MYZAP: variants seen among roughly 807,000 people sequenced by gnomAD.
MYZAP encodes the protein myocardial zonula adherens protein, also known as GRINL1A complex locus upstream.
MYZAP carries 66 observed loss-of-function variants against 69.4 expected under a neutral mutation model. That is an observed-to-expected ratio of 0.95 (90% CI 0.78 to 1.17). The LOEUF is 1.17. Among genes scored for constraint, MYZAP ranks in the 50% most tolerant of loss-of-function variants. The probability of loss-of-function intolerance (pLI) is 0.00; values close to 1 mark genes in which losing one functional copy is unlikely to be tolerated. For missense variants in MYZAP, 611 were observed against 556.2 expected (o/e 1.10, Z -0.99); for synonymous variants, 256 against 205.9 (o/e 1.24, Z -2.09).
chr15:57,630,217 C>T (rs1417937849), intron 6 of MYZAP, among the ~76,000 whole-genome samples: 2 of 152,232 alleles, frequency 1.3e-5, no homozygotes, highest in Non-Finnish European at 2.9e-5. Flanking sequence ...ATCCGCCTGC[C>T]TTGGCCTCCC....
chr15:57,675,159 T>C, intron 12 of MYZAP, 91 bp downstream of exon 12: 1 of 1,152,186 alleles, frequency 8.7e-7, no homozygotes, highest in South Asian at 1.5e-5. Flanking sequence ...CAGAATTGCA[T>C]TCTTCCTATC....
Position 57,603,582 on chromosome 15 carries a change from G to A in MYZAP, c.76-687G>A, listed in dbSNP as rs190743456. Among the ~76,000 whole-genome samples the A allele has an allele frequency of 9.7e-4, 148 of 152,248 alleles. 1 individual carries two copies. The highest frequency in any genetic ancestry group is 7.8e-3 in the Admixed American group (120 of 15,298). On this transcript the variant is annotated intron_variant, in intron 1 of 12. Coordinates refer to ENST00000267853, the MANE Select transcript of MYZAP (RefSeq NM_001018100.5). ...TACCTCATCTAAGTAGAATCATACAGTATTTGTCTTTTTGCCACTGGCTTA... is the reference window on the plus strand; with the variant it reads ...TACCTCATCTAAGTAGAATCATACAATATTTGTCTTTTTGCCACTGGCTTA...
At chr15:57,645,675 C>G (rs1315971522) in intron 10 of MYZAP, among the ~76,000 whole-genome samples, 1 of 151,890 alleles carries the variant, frequency 6.6e-6, no homozygotes, top group African/African-American at 2.4e-5. Context: ...GCTGTGTATA[C>G]CTAAAGTTAA....
chr15:57,612,970 C>T (rs566095740), intron 2 of MYZAP, among the ~76,000 whole-genome samples: 11 of 152,044 alleles, frequency 7.2e-5, no homozygotes, highest in South Asian at 2.1e-4. Context: ...CTCGCTCTGT[C>T]GCCCAGGCTG....
intron 4 of MYZAP, among the ~76,000 whole-genome samples, chr15:57,622,430 T>C (rs1193074979): frequency 1.3e-5 from 2 of 151,896 alleles, no homozygotes; most frequent in Non-Finnish European, 2.9e-5. Context: ...AAGGTTTATA[T>C]AGAAAATAAA....
chr15:57,678,660 CTG>C (rs1263171858), intron 12 of MYZAP, among the ~76,000 whole-genome samples: 1 of 152,066 alleles, frequency 6.6e-6, no homozygotes, highest in Non-Finnish European at 1.5e-5. Context: ...CGTCTAGACA[CTG>C]TGTAAAACTC....
intron 10 of MYZAP, chr15:57,648,311 A>T: frequency 1.0e-6 from 1 of 985,408 alleles, no homozygotes; most frequent in Non-Finnish European, 1.2e-6. Flanking sequence ...TTTCTTTGGA[A>T]ATGTCATTGA....
rs1024584286 is a variant in MYZAP at position 57,684,520 on chromosome 15, T to C, written c.*22T>C. On this transcript the variant is annotated 3_prime_UTR_variant, in exon 13 of 13. Transcript: ENST00000267853. ...TTAGGCACTCAGAGGCATACACTTT[T>C]TACAGATGGACAAAAGCTCTGGAAC... The C allele has an allele frequency of 1.4e-6, 2 of 1,477,100 alleles. No individual in the cohort carries two copies. Among genetic ancestry groups the C allele is most frequent in the Admixed American group, 3.6e-5 (2 of 55,152 alleles). The allele number at this position is 1,477,100 out of a possible 1,614,324, so 91.5% of individuals were successfully genotyped here. A position where few individuals can be genotyped will look rare whatever the true frequency, so the allele number is the denominator to read the frequency against.
chr15:57,652,271 C>G (rs774114642), intron 10 of MYZAP, among the ~76,000 whole-genome samples: 21 of 152,240 alleles, frequency 1.4e-4, no homozygotes, highest in Non-Finnish European at 8.8e-5. Context: ...TTACTCCCCC[C>G]CAAATGAGAT....
At chr15:57,636,527 G>A (rs1426102616) in intron 8 of MYZAP, among the ~76,000 whole-genome samples, 2 of 152,170 alleles carry the variant, frequency 1.3e-5, no homozygotes, top group Non-Finnish European at 2.9e-5. Flanking sequence ...AGTTTGCTGG[G>A]TGGAATTTCC....
intron 11 of MYZAP, among the ~76,000 whole-genome samples, chr15:57,665,011 C>T (rs1425949): frequency 6.6e-6 from 1 of 152,058 alleles, no homozygotes; most frequent in African/African-American, 2.4e-5. Context: ...TAATTGCCTG[C>T]GTCCCAGGGA....
chr15:57,681,270 G>A (rs1169469587), intron 12 of MYZAP, among the ~76,000 whole-genome samples: 1 of 152,172 alleles, frequency 6.6e-6, no homozygotes, highest in Non-Finnish European at 1.5e-5. Flanking sequence ...GGATCACCAG[G>A]TCCCATGGAT....
chr15:57,653,378 A>G (rs138089804), intron 10 of MYZAP, among the ~76,000 whole-genome samples: 15 of 152,340 alleles, frequency 9.8e-5, no homozygotes, highest in African/African-American at 3.6e-4. Context: ...TGACTAGGTC[A>G]GGGATGGAAT....
At chr15:57,622,351 T>C (rs1258496991) in intron 4 of MYZAP, among the ~76,000 whole-genome samples, 2 of 152,184 alleles carry the variant, frequency 1.3e-5, no homozygotes, top group Non-Finnish European at 2.9e-5. Flanking sequence ...CACATTACTG[T>C]ACCATTTTAA....
rs184801394 is a variant in MYZAP, at chr15:57,605,673, A to C, written c.162+1318A>C. Among the ~76,000 whole-genome samples the C allele has an allele frequency of 1.8e-4, 27 of 152,336 alleles. No homozygotes were observed. In the East Asian group the frequency reaches 5.0e-3, roughly 28 times the overall value. On this transcript the variant is annotated intron_variant, in intron 2 of 12. Coordinates refer to ENST00000267853, the MANE Select transcript of MYZAP (RefSeq NM_001018100.5). ...ATGAAGTTCTGACTAGAGAAAGGTG[A>C]GGAGTAAAATTGCTGATCTGCCTAA...
intron 11 of MYZAP, among the ~76,000 whole-genome samples, chr15:57,663,628 A>C (rs1311714678): frequency 1.3e-5 from 2 of 152,134 alleles, no homozygotes; most frequent in African/African-American, 4.8e-5. Context: ...TCATTAGCTG[A>C]GGCCTGCTCT....
chr15:57,593,851 A>T (rs1006525642), intron 1 of MYZAP, among the ~76,000 whole-genome samples: 1 of 152,162 alleles, frequency 6.6e-6, no homozygotes, highest in African/African-American at 2.4e-5. Context: ...TGCAGATGTT[A>T]CAAGTACTAT....
At chr15:57,676,683 A>T (rs1483371661) in intron 12 of MYZAP, among the ~76,000 whole-genome samples, 2 of 152,082 alleles carry the variant, frequency 1.3e-5, no homozygotes, top group Non-Finnish European at 2.9e-5. Flanking sequence ...GTACAAAACT[A>T]TGTCTGAAAC....
chr15:57,611,897 G>A (rs980291908), intron 2 of MYZAP, among the ~76,000 whole-genome samples: 1 of 152,042 alleles, frequency 6.6e-6, no homozygotes, highest in African/African-American at 2.4e-5. Context: ...ACACCACTGC[G>A]CCTGGCCAAG....
Sources: allele counts gnomAD v4.1 joint callset (sites outside exome capture counted in the v4.1 genomes callset), GRCh38; gene constraint gnomAD v4.1.1; transcripts MANE v1.5; gene names NCBI Gene and HGNC (gene_info 2026-07-23, HGNC 2026-07-21).